Variants in SASH1 observed in about 807,000 individuals in gnomAD.
SASH1 encodes the protein SAM and SH3 domain containing 1, also known as SAM and SH3 domain-containing protein 1.
In SASH1, 44 loss-of-function variants were observed where a neutral mutation model predicts 125.2. The ratio of observed to expected loss-of-function variants is 0.35; its 90% CI spans 0.28 to 0.45. The LOEUF is 0.45. Among genes scored for constraint, SASH1 ranks in the 20% least tolerant of loss-of-function variants. The pLI is 1.00. For missense variants in SASH1, 1,426 were observed against 1,614.5 expected (o/e 0.88, Z 2.00); for synonymous variants, 639 against 649.1 (o/e 0.98, Z 0.24).
At chr6:148,218,477 T>C in the SASH1 span, among the ~76,000 whole-genome samples, 3 of 152,248 alleles carry the variant, frequency 2.0e-5, no homozygotes, top group Non-Finnish European at 2.9e-5. Flanking sequence ...TCATTTTCTT[T>C]AGTGGGACAT....
At chr6:148,353,369 A>G (rs1481492901) in intron 1 of SASH1, among the ~76,000 whole-genome samples, 1 of 151,454 alleles carries the variant, frequency 6.6e-6, no homozygotes, top group Admixed American at 6.6e-5. Flanking sequence ...GAACCACTGC[A>G]TTACTAATTT....
chr6:148,287,488 G>A (rs542352012), intron 1 of SASH1, among the ~76,000 whole-genome samples: 3 of 152,122 alleles, frequency 2.0e-5, no homozygotes, highest in South Asian at 4.2e-4. Context: ...CTGTCTCCCC[G>A]GTAACATCCA....
At position 148,390,127 on chromosome 6, in the gene SASH1, C is replaced by G; in HGVS notation, c.157-7C>G. ...ACCTGACCGCCTTTGTTTGTCCACC[C>G]CTTCAGGACGGTTCACTGGGAAACA... On this transcript the variant is annotated splice_region_variant and splice_polypyrimidine_tract_variant and intron_variant, in intron 1 of 19. Transcript: ENST00000367467. 1 of 1,612,432 alleles carries G rather than the reference C, an allele frequency of 6.2e-7. No individual in the cohort carries two copies. Among genetic ancestry groups the G allele is most frequent in the Non-Finnish European group, 8.5e-7 (1 of 1,179,080 alleles).
At chr6:148,235,065 C>T in the SASH1 span, among the ~76,000 whole-genome samples, 1 of 152,118 alleles carries the variant, frequency 6.6e-6, no homozygotes, top group African/African-American at 2.4e-5. Context: ...TGCTCAATAC[C>T]GCCATTCTAT....
intron 2 of SASH1, among the ~76,000 whole-genome samples, chr6:148,407,220 A>T (rs1434248650): frequency 6.6e-6 from 1 of 152,294 alleles, no homozygotes; most frequent in Non-Finnish European, 1.5e-5. Flanking sequence ...CCCTGTGCCT[A>T]TTAAACAACT....
rs114472377 is a variant in SASH1, at chr6:148,313,939, G to A, written n.74+41562G>A. ...CTGATTTTTGGTCAACTTCAACAAG[G>A]AAACCTTGTTCCTCTGAAAATCACC... On this transcript the variant is annotated intron_variant and non_coding_transcript_variant, in intron 1 of 3. Coordinates refer to the SASH1 transcript ENST00000367469. Among the ~76,000 whole-genome samples, 708 of 152,252 alleles carry A rather than the reference G, an allele frequency of 4.7e-3. 9 individuals carry two copies. The highest frequency in any genetic ancestry group is 0.016 in the African/African-American group (666 of 41,544).
At chr6:148,531,965 C>T (rs540548168) in intron 13 of SASH1, among the ~76,000 whole-genome samples, 1 of 152,158 alleles carries the variant, frequency 6.6e-6, no homozygotes, top group African/African-American at 2.4e-5. Flanking sequence ...TGAAGATGAC[C>T]AGCAAAATAA....
At chr6:148,204,815 A>G in the SASH1 span, among the ~76,000 whole-genome samples, 1 of 152,186 alleles carries the variant, frequency 6.6e-6, no homozygotes, top group African/African-American at 2.4e-5. Flanking sequence ...TTGTGCCCCA[A>G]ATGAAAGTAT....
chr6:148,203,536 T>C, the SASH1 span, among the ~76,000 whole-genome samples: 1 of 152,184 alleles, frequency 6.6e-6, no homozygotes, highest in Admixed American at 6.5e-5. Context: ...CATTTTCTTA[T>C]AACTGAGATC....
chr6:148,512,956 G>A (rs769790359), intron 8 of SASH1: 123 of 985,286 alleles, frequency 1.2e-4, no homozygotes, highest in Non-Finnish European at 1.4e-4. Flanking sequence ...GTTCCAGGGT[G>A]AGGACAGAGG....
intron 2 of SASH1, chr6:148,393,870 T>C (rs1055587521): frequency 4.7e-6 from 1 of 214,952 alleles, no homozygotes; most frequent in Non-Finnish European, 7.9e-6. Context: ...AATTGGCATA[T>C]TCAGATTCTC....
chr6:148,399,214 CTTTTTTTT>C (rs371374910), intron 2 of SASH1, among the ~76,000 whole-genome samples: 1,130 of 106,654 alleles, frequency 0.011, 3 homozygotes, highest in Non-Finnish European at 0.016. Context: ...ATTTCAGCTT[CTTTTTTTT>C]TTTTTTTTTT....
chr6:148,236,745 A>G, the SASH1 span, among the ~76,000 whole-genome samples: 1 of 152,292 alleles, frequency 6.6e-6, no homozygotes, highest in East Asian at 1.9e-4. Context: ...CCAATGACAC[A>G]CATTTGCTAT....
the SASH1 span, among the ~76,000 whole-genome samples, chr6:148,199,242 T>C: frequency 6.6e-6 from 1 of 151,616 alleles, no homozygotes; most frequent in Non-Finnish European, 1.5e-5. Context: ...ATTAACTGAG[T>C]ATGGTGGTGG....
chr6:148,453,206 G>C (rs1356141070), intron 4 of SASH1, among the ~76,000 whole-genome samples: 1 of 152,196 alleles, frequency 6.6e-6, no homozygotes. Context: ...GTGTGTTCTT[G>C]CTGGGATGGC....
At chr6:148,410,271 C>A (rs566426813) in intron 2 of SASH1, among the ~76,000 whole-genome samples, 2 of 151,672 alleles carry the variant, frequency 1.3e-5, no homozygotes, top group South Asian at 4.2e-4. Flanking sequence ...CCACCACGCC[C>A]AGCTAATTTT....
intron 1 of SASH1, among the ~76,000 whole-genome samples, chr6:148,290,561 G>A (rs1255840034): frequency 5.3e-5 from 8 of 152,018 alleles, no homozygotes; most frequent in South Asian, 2.1e-4. Flanking sequence ...AGCCAAGATC[G>A]TGCCACTGCA....
chr6:148,421,533 A>G (rs1368503826), intron 2 of SASH1, among the ~76,000 whole-genome samples: 1 of 152,208 alleles, frequency 6.6e-6, no homozygotes, highest in Non-Finnish European at 1.5e-5. Flanking sequence ...CGAACTCCTG[A>G]CCTCAGGTGA....
At chr6:148,359,410 C>A (rs993203760) in intron 1 of SASH1, among the ~76,000 whole-genome samples, 1 of 151,384 alleles carries the variant, frequency 6.6e-6, no homozygotes, top group Non-Finnish European at 1.5e-5. Context: ...CAATACCGTG[C>A]GCTCATTTTG....
Sources: allele counts gnomAD v4.1 joint callset (sites outside exome capture counted in the v4.1 genomes callset), GRCh38; gene constraint gnomAD v4.1.1; transcripts MANE v1.5; gene names NCBI Gene and HGNC (gene_info 2026-07-23, HGNC 2026-07-21).